The following KAZN variants were observed in gnomAD, a reference collection of about 807,000 sequenced individuals.
KAZN encodes the protein kazrin.
Under a neutral mutation model 87.4 loss-of-function variants are expected in KAZN, and 40 were observed. The observed-to-expected ratio is 0.46, with a 90% confidence interval of 0.36 to 0.60. KAZN has a LOEUF of 0.60. Among genes scored for constraint, KAZN ranks in the 20% least tolerant of loss-of-function variants. KAZN has a pLI of 0.00. For missense variants in KAZN, 898 were observed against 1,073.9 expected, an observed-to-expected ratio of 0.84 and a Z score of 2.29; for synonymous variants, 466 against 458.3, an observed-to-expected ratio of 1.02 and a Z score of -0.22.
intron 1 of KAZN, among the ~76,000 whole-genome samples, chr1:14,896,602 G>C (rs927760485): frequency 2.0e-5 from 3 of 152,170 alleles, no homozygotes; most frequent in Non-Finnish European, 4.4e-5. Context: ...TCTGCTGGTG[G>C]GGAGCAGGCT....
chr1:14,285,487 T>C (rs186770175), intron 2 of KAZN, among the ~76,000 whole-genome samples: 42 of 152,306 alleles, frequency 2.8e-4, no homozygotes, highest in African/African-American at 9.9e-4. Context: ...TAGGGTGAGA[T>C]AGCATGTGGA....
intron 2 of KAZN, among the ~76,000 whole-genome samples, chr1:14,548,551 T>C (rs902865513): frequency 1.4e-4 from 22 of 152,246 alleles, no homozygotes; most frequent in Non-Finnish European, 3.2e-4. Flanking sequence ...CTAAACAATA[T>C]ATAATTCTAT....
intron 1 of KAZN, among the ~76,000 whole-genome samples, chr1:14,062,298 A>G (rs1249392917): frequency 6.6e-6 from 1 of 152,202 alleles, no homozygotes; most frequent in Non-Finnish European, 1.5e-5. Context: ...GAGTTCCCAG[A>G]TGGCCTGTCC....
intron 2 of KAZN, among the ~76,000 whole-genome samples, chr1:15,018,374 G>A (rs1670336719): frequency 1.3e-5 from 2 of 152,096 alleles, no homozygotes; most frequent in South Asian, 2.1e-4. Flanking sequence ...TTAACGGGAT[G>A]GCATCAGGTA....
intron 1 of KAZN, among the ~76,000 whole-genome samples, chr1:14,941,454 G>A (rs932160580): frequency 2.7e-5 from 4 of 150,270 alleles, no homozygotes; most frequent in African/African-American, 7.3e-5. Flanking sequence ...ATTAACTGCC[G>A]ACCATTGGAA....
intron 2 of KAZN, among the ~76,000 whole-genome samples, chr1:14,480,728 A>C (rs1030064525): frequency 1.4e-5 from 2 of 145,696 alleles, no homozygotes; most frequent in African/African-American, 5.0e-5. Context: ...CAGATACATA[A>C]ATTACATATA....
rs1319515395 is a variant in KAZN, at chr1:14,960,816, T to C, written c.359T>C (p.Leu120Pro). ...TCTGAGGTCCTCTCGGCCACCGAGC[T>C]CAGGGTCCAGCTGGCCCAGAAGGAG... ...KSSEVLSATE[L>P]RVQLAQKEQE... Residue 120 changes from leucine (L) to proline (P), a missense_variant, in exon 2 of 15, where the codon CTC becomes CCC. Leu to Pro is a moderately conservative substitution (Grantham distance 98, BLOSUM62 -3). Coordinates refer to ENST00000376030, the MANE Select transcript of KAZN (RefSeq NM_201628.3). 20 of 1,612,932 alleles carry C rather than the reference T, an allele frequency of 1.2e-5. No homozygotes were observed. Among genetic ancestry groups the C allele is most frequent in the Non-Finnish European group, 1.7e-5 (20 of 1,179,808 alleles).
At chr1:14,008,628 A>G (rs1243744584) in intron 1 of KAZN, among the ~76,000 whole-genome samples, 1 of 152,236 alleles carries the variant, frequency 6.6e-6, no homozygotes. Flanking sequence ...CACACACATA[A>G]AATCAGATGA....
At chr1:15,051,786 G>T (rs1191789192) in intron 4 of KAZN, among the ~76,000 whole-genome samples, 2 of 152,194 alleles carry the variant, frequency 1.3e-5, no homozygotes, top group East Asian at 3.9e-4. Flanking sequence ...AGAGGGTGCT[G>T]CTTACATAAA....
At chr1:14,681,879 G>A (rs1640683108) in intron 1 of KAZN, among the ~76,000 whole-genome samples, 1 of 150,682 alleles carries the variant, frequency 6.6e-6, no homozygotes, top group Non-Finnish European at 1.5e-5. Flanking sequence ...TTTTAGTAGA[G>A]ACAGGATTTC....
intron 1 of KAZN, among the ~76,000 whole-genome samples, chr1:14,867,530 T>C (rs1436962533): frequency 2.6e-5 from 4 of 152,166 alleles, no homozygotes; most frequent in South Asian, 2.1e-4. Context: ...TTTCCAGCTC[T>C]GTGAAGTAGG....
intron 13 of KAZN, among the ~76,000 whole-genome samples, chr1:15,106,651 AAATGACTCTG>A (rs1641306120): frequency 6.6e-6 from 1 of 152,116 alleles, no homozygotes; most frequent in Non-Finnish European, 1.5e-5. Flanking sequence ...GATAAGAGGG[AAATGACTCTG>A]TCCAGGCTCC....
rs565434376 is a variant in KAZN at position 14,671,757 on chromosome 1, C to CACT, written c.226+72535_226+72537dup. ...CAAATGTTTATATCTCTTTTCAATT[C>CACT]ACTGCTTTTCTTTTTTAACCTCATT... On this transcript the variant is annotated intron_variant, in intron 1 of 14. Transcript: ENST00000376030. Among the ~76,000 whole-genome samples, 7 of 152,234 alleles carry CACT rather than the reference C, an allele frequency of 4.6e-5. No homozygotes were observed. The East Asian group carries it at 1.2e-3, about 25-fold the overall frequency.
intron 1 of KAZN, among the ~76,000 whole-genome samples, chr1:14,613,832 CCTTGGAAA>C (rs1482525652): frequency 6.6e-6 from 1 of 152,100 alleles, no homozygotes; most frequent in African/African-American, 2.4e-5. Context: ...TTGACAAGTG[CCTTGGAAA>C]ACTATGGCCT....
At chr1:14,407,641 T>C (rs1027498467) in intron 2 of KAZN, among the ~76,000 whole-genome samples, 12 of 152,210 alleles carry the variant, frequency 7.9e-5, no homozygotes, top group Non-Finnish European at 1.5e-4. Context: ...TCTACACTCA[T>C]GTTATGTCAT....
rs527266655 is a variant in KAZN, at chr1:14,400,426, G to T, written c.250-198557G>T. Reference sequence around the variant, plus strand: ...CATGAAAATATGCATTCCTTGGGAGGTGCTTTCTCTCACAGCACATTCATT... The same window carrying T: ...CATGAAAATATGCATTCCTTGGGAGTTGCTTTCTCTCACAGCACATTCATT... On this transcript the variant is annotated intron_variant, in intron 2 of 16. Coordinates refer to the KAZN transcript ENST00000636203. Among the ~76,000 whole-genome samples, 5 of 152,282 alleles carry T rather than the reference G, an allele frequency of 3.3e-5. No individual in the cohort carries two copies. In the East Asian group the frequency reaches 9.6e-4, roughly 29 times the overall value.
intron 1 of KAZN, among the ~76,000 whole-genome samples, chr1:14,918,284 T>G (rs1009924900): frequency 6.6e-6 from 1 of 152,154 alleles, no homozygotes; most frequent in Non-Finnish European, 1.5e-5. Flanking sequence ...CTTGCACACC[T>G]TCTCTTCTCT....
intron 1 of KAZN, among the ~76,000 whole-genome samples, chr1:14,753,782 C>T (rs74682576): frequency 0.023 from 3,500 of 152,270 alleles, 61 homozygotes; most frequent in South Asian, 0.068. Flanking sequence ...GGAGGGAACA[C>T]ACTAGAATGC....
rs567169949 is a variant in KAZN, at chr1:14,622,465, C to T, written c.226+23242C>T. ...CAGCACTTTGGGAGGCCGAGGCGGG[C>T]GGATCACGAGGTCAGGAGATCGACA... On this transcript the variant is annotated intron_variant, in intron 1 of 14. Transcript: ENST00000376030. Among the ~76,000 whole-genome samples the T allele has an allele frequency of 1.5e-4, 23 of 151,544 alleles. No individual in the cohort carries two copies. The South Asian group carries it at 3.5e-3, about 23-fold the overall frequency.
Sources: allele counts gnomAD v4.1 joint callset (sites outside exome capture counted in the v4.1 genomes callset), GRCh38; gene constraint gnomAD v4.1.1; transcripts MANE v1.5; gene names NCBI Gene and HGNC (gene_info 2026-07-23, HGNC 2026-07-21).